Variants in ZNF536 observed in about 807,000 individuals in gnomAD.
ZNF536 encodes zinc finger protein 536.
ZNF536 carries 13 observed loss-of-function variants against 84.5 expected under a neutral mutation model. That is an observed-to-expected ratio of 0.15 (90% CI 0.10 to 0.24). The LOEUF (loss-of-function observed/expected upper bound fraction) is 0.24, where lower values mean the gene tolerates loss of function less well. Among genes scored for constraint, ZNF536 ranks in the 10% least tolerant of loss-of-function variants. The pLI is 1.00. For missense variants in ZNF536, 1,536 were observed against 1,747.5 expected (o/e 0.88, Z 2.16); for synonymous variants, 811 against 742.5 (o/e 1.09, Z -1.50).
intron 3 of ZNF536, among the ~76,000 whole-genome samples, chr19:30,357,690 C>G (rs1390933850): frequency 6.6e-5 from 10 of 151,976 alleles, no homozygotes; most frequent in Admixed American, 6.5e-4. Context: ...CAGCAGGGCC[C>G]GGTAGCTCCT....
At chr19:30,608,651 G>C (rs1218683036) in intron 1 of ZNF536, among the ~76,000 whole-genome samples, 1 of 152,150 alleles carries the variant, frequency 6.6e-6, no homozygotes, top group African/African-American at 2.4e-5. Context: ...GAGGTTCCTG[G>C]CTCTAAGGAA....
intron 1 of ZNF536, among the ~76,000 whole-genome samples, chr19:30,387,090 G>C (rs1172738158): frequency 5.9e-5 from 9 of 152,206 alleles, no homozygotes; most frequent in Non-Finnish European, 1.3e-4. Context: ...GAGACACACA[G>C]AGAAAAGGTG....
chr19:30,317,045 G>C (rs1290608572), intron 2 of ZNF536, among the ~76,000 whole-genome samples: 1 of 152,164 alleles, frequency 6.6e-6, no homozygotes, highest in Non-Finnish European at 1.5e-5. Context: ...TAGAGAGGGG[G>C]TTAGCCCTCA....
At chr19:30,248,224 CTTT>C (rs58799737) in intron 1 of ZNF536, among the ~76,000 whole-genome samples, 15 of 130,974 alleles carry the variant, frequency 1.1e-4, no homozygotes, top group Non-Finnish European at 1.3e-4. Flanking sequence ...TCTTTTCTTT[CTTT>C]TTTTTTTTTT....
intron 2 of ZNF536, among the ~76,000 whole-genome samples, chr19:30,323,508 T>C (rs1233031905): frequency 6.6e-6 from 1 of 152,222 alleles, no homozygotes; most frequent in Non-Finnish European, 1.5e-5. Context: ...AGTTTAGACT[T>C]GATGTATTCT....
chr19:30,537,851 C>T (rs75005871), intron 3 of ZNF536, among the ~76,000 whole-genome samples: 144 of 152,294 alleles, frequency 9.5e-4, no homozygotes, highest in African/African-American at 3.3e-3. Flanking sequence ...GCCATGGAAA[C>T]ATCACACCAC....
intron 1 of ZNF536, among the ~76,000 whole-genome samples, chr19:30,418,314 C>A (rs1185815080): frequency 6.6e-6 from 1 of 152,164 alleles, no homozygotes; most frequent in East Asian, 1.9e-4. Context: ...TTCTTCTCTT[C>A]TCTGGAGAAG....
intron 2 of ZNF536, among the ~76,000 whole-genome samples, chr19:30,501,187 A>G (rs2054936128): frequency 6.6e-6 from 1 of 152,218 alleles, no homozygotes; most frequent in Admixed American, 6.5e-5. Flanking sequence ...CATATTTACT[A>G]AAAGCTCAAT....
rs941651828 is a variant in ZNF536, at chr19:30,698,713, G to T, written c.170-12044G>T. On this transcript the variant is annotated intron_variant, in intron 1 of 1. Coordinates refer to the ZNF536 transcript ENST00000592773. ...TCATATCAAGTCAAGGGCACCTGCT[G>T]TCAGCCTGACCTTGGTCTGCTGGCT... Among the ~76,000 whole-genome samples, 3 of 152,344 alleles carry T rather than the reference G, an allele frequency of 2.0e-5. No individual in the cohort carries two copies. In the East Asian group the frequency reaches 5.8e-4, roughly 29 times the overall value.
At chr19:30,617,070 C>G (rs2048322074) in intron 1 of ZNF536, among the ~76,000 whole-genome samples, 1 of 151,954 alleles carries the variant, frequency 6.6e-6, no homozygotes, top group African/African-American at 2.4e-5. Flanking sequence ...ATATTGTGAA[C>G]TGAATGTTCA....
chr19:30,700,701 C>T (rs1183725387), intron 1 of ZNF536, among the ~76,000 whole-genome samples: 2 of 152,140 alleles, frequency 1.3e-5, no homozygotes, highest in Non-Finnish European at 2.9e-5. Flanking sequence ...TTTAATGTAT[C>T]CTATTGACCT....
chr19:30,535,934 G>GT (rs2045057816), intron 3 of ZNF536, among the ~76,000 whole-genome samples: 1 of 152,080 alleles, frequency 6.6e-6, no homozygotes, highest in African/African-American at 2.4e-5. Flanking sequence ...GCATCGCGTG[G>GT]GGGGAGACAA....
chr19:30,639,454 T>C lies in ZNF536; in HGVS notation c.170-71303T>C, dbSNP rs1318523157. 2.6e-5 allele frequency among the ~76,000 whole-genome samples: 4 copies of C among 152,294 alleles called. No individual in the cohort carries two copies. The East Asian group carries it at 7.7e-4, about 29-fold the overall frequency. ...GTTTTACCCTCATAGCACTTCTCAA[T>C]TCTGACAAAGCCCCATCCCAAGTTC... On this transcript the variant is annotated intron_variant, in intron 1 of 1. Coordinates refer to the ZNF536 transcript ENST00000592773.
At chr19:30,535,066 T>C in intron 3 of ZNF536, 67 bp downstream of exon 3, 1 of 1,529,478 alleles carries the variant, frequency 6.5e-7, no homozygotes, top group Non-Finnish European at 8.8e-7. Flanking sequence ...CTGCCTGCTT[T>C]CTGGCCCAGG....
At chr19:30,711,727 G>T (rs1463770746) in exon 2 of ZNF536, 1 of 151,760 alleles carries the variant, frequency 6.6e-6, no homozygotes, top group Non-Finnish European at 1.5e-5. Context: ...CCTTTTTTTA[G>T]ATCAAATTGT....
intron 1 of ZNF536, among the ~76,000 whole-genome samples, chr19:30,406,769 G>A (rs544930792): frequency 6.6e-6 from 1 of 152,152 alleles, no homozygotes; most frequent in Non-Finnish European, 1.5e-5. Flanking sequence ...TTTCTGTAGC[G>A]GGTGTGCTCC....
At chr19:30,455,105 C>T (rs1028874073) in intron 2 of ZNF536, among the ~76,000 whole-genome samples, 2 of 152,166 alleles carry the variant, frequency 1.3e-5, no homozygotes, top group African/African-American at 4.8e-5. Context: ...GTCCCGTTCA[C>T]TGACTTTATG....
chr19:30,290,527 C>T (rs973892879), intron 2 of ZNF536, among the ~76,000 whole-genome samples: 8 of 152,292 alleles, frequency 5.3e-5, no homozygotes, highest in African/African-American at 1.9e-4. Flanking sequence ...CAGCCTCAGC[C>T]TCCCAAAGTG....
At chr19:30,515,856 T>A (rs2055616756) in intron 2 of ZNF536, among the ~76,000 whole-genome samples, 1 of 151,494 alleles carries the variant, frequency 6.6e-6, no homozygotes. Flanking sequence ...TGAAACCCTA[T>A]CTCTACTAAA....
Sources: gnomAD v4.1 joint callset for allele counts (sites outside exome capture counted in the v4.1 genomes callset) on GRCh38, gnomAD v4.1.1 for gene constraint, MANE v1.5 for transcripts, NCBI Gene and HGNC (gene_info 2026-07-23, HGNC 2026-07-21) for gene names.